Variants in CDK5RAP2 observed in about 807,000 individuals in gnomAD.
CDK5RAP2 encodes the protein CDK5 regulatory subunit-associated protein 2.
A neutral mutation model predicts 232.9 loss-of-function variants in CDK5RAP2; 147 were observed. The ratio of observed to expected loss-of-function variants is 0.63; its 90% CI spans 0.55 to 0.72. The LOEUF is 0.72. Ranked by LOEUF, CDK5RAP2 falls within the 30% of genes least tolerant of loss-of-function variation. CDK5RAP2 has a pLI of 0.00. For synonymous variants in CDK5RAP2, 833 were observed against 833.7 expected, an observed-to-expected ratio of 1.00 and a Z score of 0.01; for missense variants, 2,195 against 2,231.5, an observed-to-expected ratio of 0.98 and a Z score of 0.33.
chr9:120,490,666 CTTTG>C (rs1261771016), intron 13 of CDK5RAP2, among the ~76,000 whole-genome samples: 3 of 151,958 alleles, frequency 2.0e-5, no homozygotes. Context: ...ATTTTTTTTT[CTTTG>C]TTTTTTTCTT....
rs1274718962 is a variant in CDK5RAP2, at chr9:120,413,820, GGGAGGAGGGA to G, written c.4297+1210_4297+1219del. On this transcript the variant is annotated intron_variant, in intron 28 of 37. Transcript: ENST00000349780. Reference sequence around the variant, plus strand: ...GGGCGCAGTGAGCGAGGAGGGAGGAGGGAGGAGGGAGGAGGGAGGAGGGAAGGAGGAGGGA... The same window carrying G: ...GGGCGCAGTGAGCGAGGAGGGAGGAGGGAGGGAGGAGGGAAGGAGGAGGGA... Among the ~76,000 whole-genome samples, 266 of 139,126 alleles carry G rather than the reference GGGAGGAGGGA, an allele frequency of 1.9e-3. 2 individuals are homozygous for G. The highest frequency in any genetic ancestry group is 6.9e-3 in the African/African-American group (240 of 34,764). The allele number at this position is 139,126 out of a possible 152,430, so 91.3% of individuals were successfully genotyped here.
chr9:120,579,926 C>A lies in CDK5RAP2; in HGVS notation c.53G>T (p.Gly18Val), dbSNP rs1371055627. Residue 18 changes from glycine to valine, a missense_variant, in exon 1 of 38, where the codon GGC becomes GTC. Gly to Val is a moderately radical substitution (Grantham distance 109). Coordinates refer to ENST00000349780, the MANE Select transcript of CDK5RAP2 (RefSeq NM_018249.6). ...ACCAATGCCCCGGCCGCACCTGCAGCCGCTGAGCGTCCCAGGGACGGTGAC... is the reference window on the plus strand; with the variant it reads ...ACCAATGCCCCGGCCGCACCTGCAGACGCTGAGCGTCCCAGGGACGGTGAC... Reference protein sequence around the residue: ...EDVTVPGTLSGCSGLVPSVPD... With the variant: ...EDVTVPGTLSVCSGLVPSVPD... 1 of 1,613,146 alleles carries A rather than the reference C, an allele frequency of 6.2e-7. No homozygotes were observed.
At chr9:120,455,301 C>G (rs1263526515) in intron 20 of CDK5RAP2, among the ~76,000 whole-genome samples, 2 of 145,444 alleles carry the variant, frequency 1.4e-5, no homozygotes, top group Non-Finnish European at 3.0e-5. Flanking sequence ...TGAACAGAGT[C>G]AAGTAGCCAA....
At chr9:120,521,644 CTTTTTTTTT>C (rs71266575) in intron 11 of CDK5RAP2, among the ~76,000 whole-genome samples, 2 of 125,738 alleles carry the variant, frequency 1.6e-5, no homozygotes, top group Non-Finnish European at 3.4e-5. Flanking sequence ...ACCTCTTTTT[CTTTTTTTTT>C]TTTTTTTTTT....
At chr9:120,392,049 G>C (rs945215591) in intron 36 of CDK5RAP2, among the ~76,000 whole-genome samples, 1 of 152,178 alleles carries the variant, frequency 6.6e-6, no homozygotes, top group Non-Finnish European at 1.5e-5. Flanking sequence ...AGTGCTATGA[G>C]ACATTTGCGG....
At chr9:120,389,618 ACT>A (rs1479022251) in intron 37 of CDK5RAP2, 121 bp downstream of exon 37, 4 of 924,204 alleles carry the variant, frequency 4.3e-6, no homozygotes, top group Admixed American at 3.9e-5. Flanking sequence ...GGCAGAAACA[ACT>A]CTCTGAGGAG....
intron 6 of CDK5RAP2, among the ~76,000 whole-genome samples, chr9:120,538,172 C>T (rs908748744): frequency 2.0e-5 from 3 of 152,162 alleles, no homozygotes; most frequent in Non-Finnish European, 1.5e-5. Flanking sequence ...GGCCTAATAG[C>T]TACATAACCC....
chr9:120,512,750 G>A (rs767315667), intron 12 of CDK5RAP2, among the ~76,000 whole-genome samples: 9 of 152,154 alleles, frequency 5.9e-5, no homozygotes, highest in South Asian at 2.1e-4. Flanking sequence ...ATGTAACGAC[G>A]GCTGAGCAGT....
chr9:120,432,697 A>G (rs1474766464), intron 25 of CDK5RAP2, among the ~76,000 whole-genome samples: 4 of 152,218 alleles, frequency 2.6e-5, no homozygotes, highest in Admixed American at 6.5e-5. Flanking sequence ...TGCCTGCAGA[A>G]CCCACAAAGA....
intron 10 of CDK5RAP2, 138 bp downstream of exon 10, chr9:120,527,668 T>C: frequency 1.1e-6 from 1 of 905,562 alleles, no homozygotes; most frequent in South Asian, 1.6e-5. Context: ...TCCGGTTGAC[T>C]AGAGGATCAT....
intron 25 of CDK5RAP2, among the ~76,000 whole-genome samples, chr9:120,433,336 C>T (rs1029922653): frequency 1.3e-5 from 2 of 152,182 alleles, no homozygotes; most frequent in South Asian, 4.1e-4. Context: ...AGCCCCAACT[C>T]ACAGCAAGTA....
intron 36 of CDK5RAP2, 50 bp from the exon 37 acceptor site, chr9:120,389,837 G>GAGCTGTGTGAAAGCA: frequency 6.3e-7 from 1 of 1,577,074 alleles, no homozygotes; most frequent in Non-Finnish European, 8.7e-7. Flanking sequence ...ATATCCAGGA[G>GAGCTGTGTGAAAGCA]AGCTGTGTGA....
At chr9:120,437,176 C>A in intron 25 of CDK5RAP2, 119 bp downstream of exon 25, 1 of 757,980 alleles carries the variant, frequency 1.3e-6, no homozygotes, top group South Asian at 1.5e-5. Context: ...GCTGTCACCT[C>A]ATCAAGGCAG....
intron 28 of CDK5RAP2, among the ~76,000 whole-genome samples, chr9:120,414,418 T>C (rs1037542581): frequency 1.3e-5 from 2 of 152,186 alleles, no homozygotes; most frequent in African/African-American, 4.8e-5. Context: ...GTCCAAGATT[T>C]ACTGCTCCAT....
intron 12 of CDK5RAP2, among the ~76,000 whole-genome samples, chr9:120,509,680 C>T (rs1588519436): frequency 6.6e-6 from 1 of 152,170 alleles, no homozygotes; most frequent in Non-Finnish European, 1.5e-5. Context: ...AATTATTGCT[C>T]ATTTATGATG....
Position 120,580,067 on chromosome 9 carries a change from C to T in CDK5RAP2, c.-89G>A, listed in dbSNP as rs2132265317. The T allele has an allele frequency of 7.7e-6, 6 of 777,368 alleles. No homozygotes were observed. Among genetic ancestry groups the T allele is most frequent in the Non-Finnish European group, 9.0e-6 (4 of 445,638 alleles). 48.2% of individuals were successfully genotyped at this position (777,368 alleles called of 1,614,324 possible). ...AGCGACCCGCCGGGCTCCCCAGGTC[C>T]CCGCCCCCTCCACCCCAGCTCTTGT... On this transcript the variant is annotated 5_prime_UTR_variant, in exon 1 of 38. Transcript: ENST00000349780.
At chr9:120,460,191 C>A (rs1177740488) in intron 19 of CDK5RAP2, among the ~76,000 whole-genome samples, 1 of 152,154 alleles carries the variant, frequency 6.6e-6, no homozygotes, top group Non-Finnish European at 1.5e-5. Flanking sequence ...GGGTTCTTAT[C>A]CCAACTCTAT....
At chr9:120,502,959 T>C (rs1032720445) in intron 12 of CDK5RAP2, among the ~76,000 whole-genome samples, 1 of 152,178 alleles carries the variant, frequency 6.6e-6, no homozygotes, top group African/African-American at 2.4e-5. Flanking sequence ...ACTGCCTACA[T>C]GGTAAGTATT....
chr9:120,458,341 G>T, intron 20 of CDK5RAP2, 109 bp downstream of exon 20: 2 of 1,034,514 alleles, frequency 1.9e-6, no homozygotes, highest in Admixed American at 1.9e-5. Flanking sequence ...CATTTCAGGA[G>T]CTCTCTCAGG....
Sources: allele counts gnomAD v4.1 joint callset (sites outside exome capture counted in the v4.1 genomes callset), GRCh38; gene constraint gnomAD v4.1.1; transcripts MANE v1.5; gene names NCBI Gene and HGNC (gene_info 2026-07-23, HGNC 2026-07-21).